The following KLHL1 variants were observed in gnomAD, a reference collection of about 807,000 sequenced individuals.
The protein encoded by KLHL1 is kelch like family member 1.
KLHL1 carries 47 observed loss-of-function variants against 77.7 expected under a neutral mutation model. The observed-to-expected ratio is 0.60, with a 90% confidence interval of 0.48 to 0.77. The LOEUF (loss-of-function observed/expected upper bound fraction) is 0.77. KLHL1 is among the 30% of genes least tolerant of loss of function. The probability of loss-of-function intolerance (pLI) is 0.00; values close to 1 mark genes in which losing one functional copy is unlikely to be tolerated. For synonymous variants in KLHL1, 360 were observed against 325.2 expected (o/e 1.11, Z -1.15); for missense variants, 925 against 910.8 (o/e 1.02, Z -0.20).
intron 10 of KLHL1, among the ~76,000 whole-genome samples, chr13:69,707,387 A>G (rs74092460): frequency 0.12 from 17,663 of 151,996 alleles, 1,699 homozygotes; most frequent in African/African-American, 0.27. Context: ...GTGGAAAATG[A>G]AAATCTTATT....
At chr13:69,920,271 C>T (rs1401307205) in intron 4 of KLHL1, among the ~76,000 whole-genome samples, 1 of 151,836 alleles carries the variant, frequency 6.6e-6, no homozygotes, top group Non-Finnish European at 1.5e-5. Context: ...TTTTGGAAAA[C>T]AGTATATGAT....
At chr13:69,983,604 GAGA>G (rs1884778748) in intron 1 of KLHL1, among the ~76,000 whole-genome samples, 6 of 117,314 alleles carry the variant, frequency 5.1e-5, no homozygotes, top group African/African-American at 2.3e-4. Context: ...AGAAGAAGAA[GAGA>G]AAAAAAAAAA....
chr13:70,066,750 G>T (rs1040485725), intron 1 of KLHL1, among the ~76,000 whole-genome samples: 1 of 152,144 alleles, frequency 6.6e-6, no homozygotes, highest in African/African-American at 2.4e-5. Flanking sequence ...AATTTGCCTA[G>T]CACATCACAG....
At chr13:70,019,700 A>G (rs2137350138) in intron 1 of KLHL1, among the ~76,000 whole-genome samples, 1 of 152,270 alleles carries the variant, frequency 6.6e-6, no homozygotes, top group South Asian at 2.1e-4. Context: ...TTTATAAATG[A>G]TAGTGGTGTG....
At chr13:69,965,294 T>C (rs1884181455) in intron 2 of KLHL1, among the ~76,000 whole-genome samples, 1 of 152,208 alleles carries the variant, frequency 6.6e-6, no homozygotes, top group Non-Finnish European at 1.5e-5. Flanking sequence ...GGTCACATTT[T>C]GGTAATTCTG....
At chr13:69,866,980 T>C (rs1880390626) in intron 5 of KLHL1, among the ~76,000 whole-genome samples, 1 of 152,256 alleles carries the variant, frequency 6.6e-6, no homozygotes, top group Non-Finnish European at 1.5e-5. Flanking sequence ...AATTTGTGTT[T>C]AATCTGTCTA....
intron 1 of KLHL1, among the ~76,000 whole-genome samples, chr13:70,009,453 A>C (rs1449334645): frequency 6.6e-6 from 1 of 152,166 alleles, no homozygotes; most frequent in Non-Finnish European, 1.5e-5. Flanking sequence ...TGGGAAACCC[A>C]ATTTATTTCC....
At chr13:69,852,714 C>T (rs558168638) in intron 5 of KLHL1, among the ~76,000 whole-genome samples, 1 of 152,006 alleles carries the variant, frequency 6.6e-6, no homozygotes, top group South Asian at 2.1e-4. Context: ...CCTGTGAAAA[C>T]ATCAAGGTAG....
At chr13:70,039,776 A>G (rs1403316398) in intron 1 of KLHL1, among the ~76,000 whole-genome samples, 1 of 151,828 alleles carries the variant, frequency 6.6e-6, no homozygotes, top group African/African-American at 2.4e-5. Context: ...AGTAGCTGGA[A>G]CTATAGGTAT....
intron 8 of KLHL1, among the ~76,000 whole-genome samples, chr13:69,734,291 G>A (rs1873677447): frequency 2.0e-5 from 3 of 152,108 alleles, no homozygotes; most frequent in Non-Finnish European, 4.4e-5. Context: ...TAAGTTTCCT[G>A]AGGCCTCCCT....
chr13:69,896,553 T>C (rs561700857), intron 4 of KLHL1, among the ~76,000 whole-genome samples: 2 of 152,276 alleles, frequency 1.3e-5, no homozygotes, highest in East Asian at 1.9e-4. Context: ...TGACCCTCAG[T>C]CATTCAATAA....
chr13:70,091,497 AC>A (rs1266926577), intron 1 of KLHL1, among the ~76,000 whole-genome samples: 4 of 152,160 alleles, frequency 2.6e-5, no homozygotes, highest in Admixed American at 2.6e-4. Context: ...GAGTCCATCC[AC>A]ATCACAAATT....
At chr13:70,021,938 T>C (rs1885809269) in intron 1 of KLHL1, among the ~76,000 whole-genome samples, 1 of 152,042 alleles carries the variant, frequency 6.6e-6, no homozygotes, top group South Asian at 2.1e-4. Flanking sequence ...TCCCAGTCTG[T>C]GGCTTGTCTT....
intron 1 of KLHL1, among the ~76,000 whole-genome samples, chr13:70,021,903 T>A (rs1441556): frequency 2.0e-4 from 30 of 151,948 alleles, no homozygotes; most frequent in South Asian, 6.2e-4. Flanking sequence ...GTCCTTTATC[T>A]AATATGTCTT....
intron 7 of KLHL1, among the ~76,000 whole-genome samples, chr13:69,743,220 A>G (rs962747047): frequency 4.0e-5 from 6 of 151,558 alleles, no homozygotes; most frequent in Non-Finnish European, 5.9e-5. Flanking sequence ...AGCAATGGAA[A>G]ATCACTGAGA....
chr13:70,000,399 TC>T (rs1187963461), intron 1 of KLHL1, among the ~76,000 whole-genome samples: 1 of 151,680 alleles, frequency 6.6e-6, no homozygotes, highest in Non-Finnish European at 1.5e-5. Context: ...TTAAGAAAAA[TC>T]CACAAAGTTT....
intron 5 of KLHL1, among the ~76,000 whole-genome samples, chr13:69,849,905 G>T (rs1001162632): frequency 2.6e-5 from 4 of 151,328 alleles, no homozygotes; most frequent in African/African-American, 9.7e-5. Flanking sequence ...GCAGAAATAT[G>T]TTCAATATCA....
At chr13:69,780,702 GTATATATATATATGTATATATATATA>G (rs1566243510) in intron 7 of KLHL1, among the ~76,000 whole-genome samples, 1 of 47,202 alleles carries the variant, frequency 2.1e-5, no homozygotes, top group African/African-American at 9.9e-5. Flanking sequence ...ATATATATAT[GTATATATATATATGTATATATATATA>G]TATACATATA....
At chr13:69,999,109 A>C (rs1885225801) in intron 1 of KLHL1, among the ~76,000 whole-genome samples, 1 of 152,094 alleles carries the variant, frequency 6.6e-6, no homozygotes. Context: ...ATCTACATGT[A>C]TTATGTAATG....
Sources: allele counts gnomAD v4.1 joint callset (sites outside exome capture counted in the v4.1 genomes callset), GRCh38; gene constraint gnomAD v4.1.1; transcripts MANE v1.5; gene names NCBI Gene and HGNC (gene_info 2026-07-23, HGNC 2026-07-21).